Variants in RNF32 observed in about 807,000 individuals in gnomAD.
RNF32 encodes the protein ring finger protein 32.
RNF32 carries 36 observed loss-of-function variants against 41.0 expected under a neutral mutation model. The observed-to-expected ratio is 0.88, with a 90% CI of 0.67 to 1.16. The LOEUF (loss-of-function observed/expected upper bound fraction) is 1.16. RNF32 is among the 50% of genes most tolerant of loss of function. The pLI is 0.00. For missense variants in RNF32, 413 were observed against 436.7 expected (o/e 0.95, Z 0.48); for synonymous variants, 154 against 160.9 (o/e 0.96, Z 0.32).
intron 3 of RNF32, among the ~76,000 whole-genome samples, chr7:156,648,018 T>C (rs1323684322): frequency 7.3e-6 from 1 of 137,224 alleles, no homozygotes; most frequent in Non-Finnish European, 1.5e-5. Flanking sequence ...CTCTTTTTGA[T>C]GGGATTATTT....
intron 7 of RNF32, among the ~76,000 whole-genome samples, chr7:156,661,424 A>G (rs772699422): frequency 1.3e-5 from 2 of 151,976 alleles, no homozygotes; most frequent in Non-Finnish European, 2.9e-5. Context: ...AGTTCAAGCA[A>G]TTCTCCTATC....
intron 3 of RNF32, among the ~76,000 whole-genome samples, chr7:156,649,393 TC>T (rs892576521): frequency 6.6e-6 from 1 of 151,978 alleles, no homozygotes; most frequent in African/African-American, 2.4e-5. Flanking sequence ...TTATGCCCCT[TC>T]TTTTTTTTCC....
intron 7 of RNF32, among the ~76,000 whole-genome samples, chr7:156,673,280 CA>C (rs1339015481): frequency 6.6e-6 from 1 of 152,198 alleles, no homozygotes; most frequent in Non-Finnish European, 1.5e-5. Flanking sequence ...AAGTATCTCA[CA>C]CTTAAAAACA....
At position 156,670,504 on chromosome 7, in the gene RNF32, A is replaced by G. The variant is rs1006329482; in HGVS notation, c.685-5192A>G. Reference sequence around the variant, plus strand: ...GCAACAAAGGCTAAGAATTTTCCAGATCTGAAGAAGATACAAGCCACAGAT... The same window carrying G: ...GCAACAAAGGCTAAGAATTTTCCAGGTCTGAAGAAGATACAAGCCACAGAT... On this transcript the variant is annotated intron_variant, in intron 7 of 8. Transcript: ENST00000317955. This position sits in a 1 kb window ranked among gnomAD's most constrained non-coding sequence, Gnocchi z 4.3. 1.3e-5 allele frequency among the ~76,000 whole-genome samples: 2 copies of G among 152,204 alleles called. No individual in the cohort carries two copies. The highest frequency in any genetic ancestry group is 4.8e-5 in the African/African-American group (2 of 41,452).
intron 7 of RNF32, among the ~76,000 whole-genome samples, chr7:156,662,847 C>CTTT (rs55909570): frequency 1.5e-5 from 2 of 130,444 alleles, no homozygotes. Context: ...AACAGCCATT[C>CTTT]TTTTTTTTTT....
At chr7:156,654,419 C>T (rs1458404852) in intron 3 of RNF32, 157 bp from the exon 4 acceptor site, 1 of 590,994 alleles carries the variant, frequency 1.7e-6, no homozygotes, top group African/African-American at 1.9e-5. Flanking sequence ...GAACACATTC[C>T]CTGTGGATAC....
intron 7 of RNF32, among the ~76,000 whole-genome samples, chr7:156,672,090 A>G (rs1195708860): frequency 6.6e-6 from 1 of 152,200 alleles, no homozygotes; most frequent in Non-Finnish European, 1.5e-5. Flanking sequence ...TCTTATGTAT[A>G]TTAAAATATC....
At chr7:156,672,218 CTG>C (rs1023598571) in intron 7 of RNF32, among the ~76,000 whole-genome samples, 55 of 152,340 alleles carry the variant, frequency 3.6e-4, no homozygotes, top group African/African-American at 1.3e-3. Context: ...ACTGACAAGT[CTG>C]TTTCTTTCAA....
chr7:156,666,936 G>T (rs936605531), intron 7 of RNF32, among the ~76,000 whole-genome samples: 34 of 152,310 alleles, frequency 2.2e-4, no homozygotes, highest in African/African-American at 7.9e-4. Context: ...ACATTGTTTA[G>T]AAAGTGGGGT....
rs777217817 is a variant in RNF32, at chr7:156,644,767, C to T, written c.274+10C>T. ...CCGCCGTTGACTTTGGGTAAGCTGACGTAGTCATTCATCTTTTGGCTTATT... is the reference window on the plus strand; with the variant it reads ...CCGCCGTTGACTTTGGGTAAGCTGATGTAGTCATTCATCTTTTGGCTTATT... On this transcript the variant is annotated intron_variant, in intron 3 of 8. Transcript: ENST00000317955. 63 of 1,593,002 alleles carry T rather than the reference C, an allele frequency of 4.0e-5. No individual in the cohort carries two copies. Among genetic ancestry groups the T allele is most frequent in the South Asian group, 1.4e-4 (12 of 85,830 alleles).
chr7:156,652,250 T>C (rs1420905116), intron 3 of RNF32, among the ~76,000 whole-genome samples: 1 of 152,216 alleles, frequency 6.6e-6, no homozygotes, highest in Non-Finnish European at 1.5e-5. Context: ...TGATCCTTTT[T>C]TGAGGCCTGT....
At chr7:156,675,445 A>G (rs968351689) in intron 7 of RNF32, among the ~76,000 whole-genome samples, 1 of 152,218 alleles carries the variant, frequency 6.6e-6, no homozygotes, top group African/African-American at 2.4e-5. Context: ...TAAAATATTC[A>G]GTATGCCAAG....
chr7:156,664,818 T>TTA (rs1201485664), intron 7 of RNF32, among the ~76,000 whole-genome samples: 1 of 152,222 alleles, frequency 6.6e-6, no homozygotes, highest in Non-Finnish European at 1.5e-5. Flanking sequence ...TTTATCTAGT[T>TTA]TAATCTGGGC....
At chr7:156,654,783 C>T in intron 4 of RNF32, 65 bp downstream of exon 4, 1 of 1,469,536 alleles carries the variant, frequency 6.8e-7, no homozygotes, top group Non-Finnish European at 9.4e-7. Context: ...AGGCCCAGAG[C>T]TGGAGCCTAA....
intron 7 of RNF32, 65 bp from the exon 8 acceptor site, chr7:156,675,631 G>C (rs991021683): frequency 6.3e-6 from 9 of 1,422,372 alleles, no homozygotes; most frequent in Non-Finnish European, 8.9e-6. Context: ...TCAGGCTCGA[G>C]AGCGCTTCCC....
upstream of RNF32, chr7:156,640,383 C>A: frequency 2.3e-6 from 1 of 438,720 alleles, no homozygotes; most frequent in Admixed American, 2.6e-5. Flanking sequence ...CCGCCGGGGG[C>A]TGCGGACTAC....
At chr7:156,657,479 T>C in intron 4 of RNF32, 62 bp from the exon 5 acceptor site, 1 of 1,526,050 alleles carries the variant, frequency 6.6e-7, no homozygotes, top group East Asian at 2.2e-5. Flanking sequence ...GGATTTTAAC[T>C]GTTGGATACA....
chr7:156,661,747 C>G (rs150352777), intron 7 of RNF32, among the ~76,000 whole-genome samples: 1 of 152,210 alleles, frequency 6.6e-6, no homozygotes, highest in African/African-American at 2.4e-5. Flanking sequence ...TATTCCACTT[C>G]GTTTCCAAAG....
intron 7 of RNF32, among the ~76,000 whole-genome samples, chr7:156,671,182 A>G (rs1802411512): frequency 6.6e-6 from 1 of 152,232 alleles, no homozygotes; most frequent in African/African-American, 2.4e-5. Flanking sequence ...AGCAAAAATT[A>G]AGAAACCAAT....
Sources: allele counts gnomAD v4.1 joint callset (sites outside exome capture counted in the v4.1 genomes callset), GRCh38; gene constraint gnomAD v4.1.1; non-coding constraint Gnocchi (gnomAD v3.1); transcripts MANE v1.5; gene names NCBI Gene and HGNC (gene_info 2026-07-23, HGNC 2026-07-21).